The following SSBP2 variants were observed in gnomAD, a reference collection of about 807,000 sequenced individuals.
The protein encoded by SSBP2 is single stranded DNA binding protein 2, also known as single-stranded DNA-binding protein 2.
In SSBP2, 17 loss-of-function variants were observed where a neutral mutation model predicts 61.8. That is an observed-to-expected ratio of 0.28 (90% CI 0.19 to 0.41). The LOEUF is 0.41. SSBP2 is among the 10% of genes least tolerant of loss of function. The probability of loss-of-function intolerance (pLI) is 1.00; values close to 1 mark genes in which losing one functional copy is unlikely to be tolerated. For missense variants in SSBP2, 310 were observed against 458.7 expected (o/e 0.68, Z 2.96); for synonymous variants, 139 against 141.3 (o/e 0.98, Z 0.12).
Position 81,544,508 on chromosome 5 carries a change from A to G in SSBP2, c.283-30791T>C, listed in dbSNP as rs80136245. The stretch of plus-strand genomic sequence containing the variant: ...CTTCGCCTAAACATGTATTAAGTCT[A>G]ACTTACATTCTTTGGAGAAATAGTA... On this transcript the variant is annotated intron_variant, in intron 4 of 16. Transcript: ENST00000320672. Among the ~76,000 whole-genome samples the G allele has an allele frequency of 3.5e-3, 531 of 152,328 alleles. 4 individuals are homozygous for G. The highest frequency in any genetic ancestry group is 0.012 in the African/African-American group (518 of 41,566).
chr5:81,597,098 T>C lies in SSBP2; in HGVS notation c.282+18375A>G, dbSNP rs537463971. Among the ~76,000 whole-genome samples the C allele has an allele frequency of 7.2e-5, 11 of 152,238 alleles. No homozygotes were observed. The South Asian group carries it at 2.3e-3, about 32-fold the overall frequency. On this transcript the variant is annotated intron_variant, in intron 4 of 16. Transcript: ENST00000320672. ...GGCAACCTGAATGGGAGAAAATTTT[T>C]GCAACCTACTCATCTGACAAAGGGC...
At chr5:81,681,357 T>G (rs1442325411) in intron 1 of SSBP2, among the ~76,000 whole-genome samples, 1 of 151,716 alleles carries the variant, frequency 6.6e-6, no homozygotes, top group Non-Finnish European at 1.5e-5. Context: ...CCATCTCTAC[T>G]AAAAATGGAA....
At chr5:81,593,029 G>A (rs979908102) in intron 4 of SSBP2, among the ~76,000 whole-genome samples, 4 of 152,094 alleles carry the variant, frequency 2.6e-5, no homozygotes, top group African/African-American at 4.8e-5. Flanking sequence ...GGCTTCAGAC[G>A]ATCAAACTAC....
Position 81,466,998 on chromosome 5 carries a change from C to T in SSBP2, c.614G>A (p.Gly205Asp), listed in dbSNP as rs201755901. 6.2e-7 allele frequency: 1 copy of T among 1,608,876 alleles called. No individual in the cohort carries two copies. Among genetic ancestry groups the T allele is most frequent in the Non-Finnish European group, 8.5e-7 (1 of 1,176,460 alleles). Residue 205 changes from glycine (G) to aspartate (D), a missense_variant, in exon 9 of 17, where the codon GGC becomes GAC. Transcript: ENST00000320672. ...CATGTTCATTCCAGGCATTCCAGGG[C>T]CACCTAAAGCATTCAGTGGGGGTCT...
chr5:81,685,026 T>G (rs1007434283), intron 1 of SSBP2, among the ~76,000 whole-genome samples: 3 of 152,044 alleles, frequency 2.0e-5, no homozygotes, highest in African/African-American at 7.2e-5. Flanking sequence ...GTTCTTCTTG[T>G]GATAGTGAGT....
chr5:81,700,901 C>G (rs1392881895), intron 1 of SSBP2, among the ~76,000 whole-genome samples: 1 of 152,192 alleles, frequency 6.6e-6, no homozygotes, highest in Non-Finnish European at 1.5e-5. Flanking sequence ...GCCATATCTT[C>G]TAACCAAACC....
intron 4 of SSBP2, among the ~76,000 whole-genome samples, chr5:81,582,594 CTTTTA>C (rs1774741574): frequency 2.0e-5 from 3 of 152,006 alleles, no homozygotes; most frequent in Admixed American, 2.0e-4. Flanking sequence ...TTACTGTCTT[CTTTTA>C]TTTTTTCTTT....
intron 4 of SSBP2, among the ~76,000 whole-genome samples, chr5:81,594,169 A>G (rs1743451235): frequency 6.6e-6 from 1 of 152,202 alleles, no homozygotes; most frequent in Non-Finnish European, 1.5e-5. Context: ...AATGGAAAAC[A>G]AAAAAAGGCA....
intron 1 of SSBP2, among the ~76,000 whole-genome samples, chr5:81,687,150 G>A (rs568561724): frequency 1.9e-4 from 29 of 152,328 alleles, no homozygotes; most frequent in African/African-American, 7.0e-4. Context: ...CCGATCACCC[G>A]GCAGCGGCCG....
At chr5:81,644,367 G>A (rs998023416) in intron 2 of SSBP2, among the ~76,000 whole-genome samples, 6 of 152,188 alleles carry the variant, frequency 3.9e-5, no homozygotes, top group Admixed American at 6.5e-5. Context: ...GACTTTCTAT[G>A]TAACAAGAAT....
intron 1 of SSBP2, among the ~76,000 whole-genome samples, chr5:81,720,393 C>A (rs373804360): frequency 6.6e-6 from 1 of 152,138 alleles, no homozygotes; most frequent in Non-Finnish European, 1.5e-5. Flanking sequence ...TCACAGCCTA[C>A]CAAAATAATG....
intron 4 of SSBP2, among the ~76,000 whole-genome samples, chr5:81,550,633 T>G (rs1345391490): frequency 6.6e-6 from 1 of 152,202 alleles, no homozygotes; most frequent in African/African-American, 2.4e-5. Context: ...ACAATCTGAC[T>G]CTCTACATAA....
chr5:81,660,850 C>T (rs1750627035), intron 1 of SSBP2, among the ~76,000 whole-genome samples: 1 of 152,150 alleles, frequency 6.6e-6, no homozygotes, highest in South Asian at 2.1e-4. Context: ...AGATCATGTT[C>T]TCTGCAGGGA....
chr5:81,570,379 A>C (rs12515751), intron 4 of SSBP2, among the ~76,000 whole-genome samples: 62,973 of 152,034 alleles, frequency 0.41, 16,084 homozygotes, highest in African/African-American at 0.73. Flanking sequence ...TTAATCTTTG[A>C]GGTATCTGAA....
At chr5:81,476,978 G>T (rs920817758) in intron 6 of SSBP2, among the ~76,000 whole-genome samples, 2 of 152,014 alleles carry the variant, frequency 1.3e-5, no homozygotes, top group Non-Finnish European at 2.9e-5. Flanking sequence ...CTAGTGAGAA[G>T]CCTTCAGGTG....
intron 9 of SSBP2, among the ~76,000 whole-genome samples, chr5:81,462,250 G>A (rs996310689): frequency 2.0e-5 from 3 of 152,164 alleles, no homozygotes; most frequent in Admixed American, 1.3e-4. Context: ...ATTCAAAGCC[G>A]TCCTGGGCCA....
intron 4 of SSBP2, among the ~76,000 whole-genome samples, chr5:81,584,917 CAT>C (rs145333522): frequency 1.3e-5 from 2 of 152,146 alleles, no homozygotes; most frequent in East Asian, 3.9e-4. Context: ...TAAAAATTAA[CAT>C]ATATTTTCTC....
intron 2 of SSBP2, among the ~76,000 whole-genome samples, chr5:81,644,601 A>C (rs1293967863): frequency 6.6e-6 from 1 of 152,210 alleles, no homozygotes; most frequent in Non-Finnish European, 1.5e-5. Context: ...TACAATGCCT[A>C]ATCTTTTTGG....
At chr5:81,467,126 A>T (rs1764945984) in intron 8 of SSBP2, 61 bp from the exon 9 acceptor site, 3 of 1,068,910 alleles carry the variant, frequency 2.8e-6, no homozygotes, top group African/African-American at 3.1e-5. Flanking sequence ...GAGCACGTTA[A>T]TGATTTCCCT....
Sources: gnomAD v4.1 joint callset for allele counts (sites outside exome capture counted in the v4.1 genomes callset) on GRCh38, gnomAD v4.1.1 for gene constraint, MANE v1.5 for transcripts, NCBI Gene and HGNC (gene_info 2026-07-23, HGNC 2026-07-21) for gene names.